Variants in CHCHD3 observed in about 807,000 individuals in gnomAD.
CHCHD3 encodes coiled-coil-helix-coiled-coil-helix domain containing 3.
A neutral mutation model predicts 38.2 loss-of-function variants in CHCHD3; 20 were observed. The ratio of observed to expected loss-of-function variants is 0.52; its 90% CI spans 0.37 to 0.76. The LOEUF is 0.76. Among genes scored for constraint, CHCHD3 ranks in the 30% least tolerant of loss-of-function variants. The pLI, the probability that CHCHD3 is intolerant of heterozygous loss-of-function variation, is 0.00. For missense variants in CHCHD3, 245 were observed against 279.2 expected (o/e 0.88, Z 0.87); for synonymous variants, 82 against 100.0 (o/e 0.82, Z 1.07).
chr7:133,029,750 C>T (rs1813449231), intron 2 of CHCHD3, among the ~76,000 whole-genome samples: 1 of 152,150 alleles, frequency 6.6e-6, no homozygotes. Context: ...CTATCCCCTT[C>T]TCCCTACTAT....
At chr7:132,853,228 C>T (rs1020381551) in intron 5 of CHCHD3, among the ~76,000 whole-genome samples, 3 of 152,130 alleles carry the variant, frequency 2.0e-5, no homozygotes, top group Non-Finnish European at 4.4e-5. Context: ...AGGAGGTGCT[C>T]TGATGGTGTA....
At chr7:132,832,859 T>C (rs757422716) in intron 6 of CHCHD3, among the ~76,000 whole-genome samples, 2 of 152,188 alleles carry the variant, frequency 1.3e-5, no homozygotes, top group African/African-American at 2.4e-5. Flanking sequence ...AGGCTTCTCT[T>C]ACATGCTATT....
chr7:133,081,662 G>T (rs1237079329), intron 1 of CHCHD3, among the ~76,000 whole-genome samples, 195 bp downstream of exon 1: 2 of 152,230 alleles, frequency 1.3e-5, no homozygotes, highest in African/African-American at 4.8e-5. Context: ...CCTAGCACTT[G>T]GCACAACCAG....
At chr7:132,832,341 C>T (rs1807671993) in intron 6 of CHCHD3, among the ~76,000 whole-genome samples, 1 of 152,182 alleles carries the variant, frequency 6.6e-6, no homozygotes, top group Admixed American at 6.5e-5. Flanking sequence ...AAATCTGGCA[C>T]ACAAAGGAGT....
intron 6 of CHCHD3, among the ~76,000 whole-genome samples, chr7:132,827,794 G>A (rs1158278577): frequency 1.3e-5 from 2 of 152,102 alleles, no homozygotes; most frequent in African/African-American, 4.8e-5. Context: ...TTTGCATCTG[G>A]CTTCTTTGTG....
At chr7:133,003,727 G>C (rs1487821781) in intron 3 of CHCHD3, among the ~76,000 whole-genome samples, 1 of 152,126 alleles carries the variant, frequency 6.6e-6, no homozygotes, top group Non-Finnish European at 1.5e-5. Flanking sequence ...AAAGTGATCT[G>C]CCACCTTTCA....
intron 4 of CHCHD3, among the ~76,000 whole-genome samples, chr7:132,944,590 TTG>T (rs1260780305): frequency 1.3e-5 from 2 of 151,976 alleles, no homozygotes; most frequent in Non-Finnish European, 2.9e-5. Context: ...AAAAATATTG[TTG>T]TAATAAAATA....
At chr7:132,865,355 A>G (rs1808592491) in intron 5 of CHCHD3, among the ~76,000 whole-genome samples, 1 of 152,188 alleles carries the variant, frequency 6.6e-6, no homozygotes, top group South Asian at 2.1e-4. Flanking sequence ...GGGGGACTGG[A>G]AACCTAAAAC....
At chr7:132,854,734 A>T (rs1808304119) in intron 5 of CHCHD3, among the ~76,000 whole-genome samples, 1 of 152,220 alleles carries the variant, frequency 6.6e-6, no homozygotes. Context: ...TCTACAGAGT[A>T]AGGTCCTAGG....
intron 5 of CHCHD3, among the ~76,000 whole-genome samples, chr7:132,882,660 T>C (rs1809096611): frequency 6.6e-6 from 1 of 152,028 alleles, no homozygotes; most frequent in African/African-American, 2.4e-5. Flanking sequence ...ACCAATCAAA[T>C]TGGTGAGTCT....
chr7:132,936,847 C>T (rs1031068352), intron 4 of CHCHD3, among the ~76,000 whole-genome samples: 2 of 152,146 alleles, frequency 1.3e-5, no homozygotes, highest in Non-Finnish European at 2.9e-5. Context: ...ATGCTTGAAG[C>T]CCCCATTGCT....
chr7:132,998,077 T>C (rs1237479105), intron 3 of CHCHD3, among the ~76,000 whole-genome samples: 3 of 152,226 alleles, frequency 2.0e-5, no homozygotes, highest in Admixed American at 6.5e-5. Flanking sequence ...ATCCATTTTA[T>C]CTTTACGGTA....
At chr7:132,906,954 A>G (rs923760502) in intron 4 of CHCHD3, among the ~76,000 whole-genome samples, 6 of 152,220 alleles carry the variant, frequency 3.9e-5, no homozygotes, top group African/African-American at 1.4e-4. Context: ...TAAGCAGAAT[A>G]CACAATTCAT....
At chr7:133,056,806 G>T (rs1488411474) in intron 2 of CHCHD3, among the ~76,000 whole-genome samples, 1 of 152,176 alleles carries the variant, frequency 6.6e-6, no homozygotes, top group Non-Finnish European at 1.5e-5. Context: ...TTCTCATTTA[G>T]TCTCCATGGC....
chr7:132,842,034 G>A (rs9649581), intron 5 of CHCHD3, among the ~76,000 whole-genome samples: 32,863 of 151,984 alleles, frequency 0.22, 3,805 homozygotes, highest in South Asian at 0.26. Flanking sequence ...GGAGGTGGAG[G>A]TTGCAGTGAG....
At chr7:132,798,468 A>G (rs1320005721) in intron 6 of CHCHD3, among the ~76,000 whole-genome samples, 1 of 152,206 alleles carries the variant, frequency 6.6e-6, no homozygotes, top group African/African-American at 2.4e-5. Flanking sequence ...CTAAGTGACT[A>G]ATTATAGCAA....
At chr7:132,952,980 T>G (rs754090395) in intron 4 of CHCHD3, among the ~76,000 whole-genome samples, 4 of 152,180 alleles carry the variant, frequency 2.6e-5, no homozygotes, top group Non-Finnish European at 5.9e-5. Flanking sequence ...GGTAATAAAC[T>G]CAATATTATA....
chr7:132,893,807 A>T (rs752534373), intron 4 of CHCHD3, among the ~76,000 whole-genome samples: 11 of 152,158 alleles, frequency 7.2e-5, no homozygotes, highest in Non-Finnish European at 1.5e-4. Context: ...CCTTGTAAAA[A>T]AGGTGCCTGC....
At chr7:132,889,334 G>C (rs1809303407) in intron 4 of CHCHD3, among the ~76,000 whole-genome samples, 1 of 151,596 alleles carries the variant, frequency 6.6e-6, no homozygotes, top group Non-Finnish European at 1.5e-5. Flanking sequence ...TTTTTAAAAT[G>C]CAAAAAAAAT....
Sources: allele counts gnomAD v4.1 joint callset (sites outside exome capture counted in the v4.1 genomes callset), GRCh38; gene constraint gnomAD v4.1.1; transcripts MANE v1.5; gene names NCBI Gene and HGNC (gene_info 2026-07-23, HGNC 2026-07-21).